The following ADCY10 variants were observed in gnomAD, a reference collection of about 807,000 sequenced individuals.
The protein encoded by ADCY10 is adenylate cyclase type 10.
ADCY10 carries 156 observed loss-of-function variants against 183.3 expected under a neutral mutation model. The ratio of observed to expected loss-of-function variants is 0.85; its 90% CI spans 0.75 to 0.97. The LOEUF is 0.97. Among genes scored for constraint, ADCY10 ranks in the 50% least tolerant of loss-of-function variants. ADCY10 has a pLI of 0.00. For synonymous variants in ADCY10, 645 were observed against 670.0 expected (o/e 0.96, Z 0.58); for missense variants, 1,745 against 1,934.3 (o/e 0.90, Z 1.84).
At chr1:167,894,309 G>A (rs925510369) in intron 7 of ADCY10, among the ~76,000 whole-genome samples, 1 of 152,160 alleles carries the variant, frequency 6.6e-6, no homozygotes, top group African/African-American at 2.4e-5. Flanking sequence ...GAAGGGGATG[G>A]TAGAGTTGAA....
chr1:167,885,580 G>A (rs761305955), intron 8 of ADCY10, among the ~76,000 whole-genome samples: 6 of 151,796 alleles, frequency 4.0e-5, no homozygotes, highest in Admixed American at 6.6e-5. Flanking sequence ...TCACATACTT[G>A]TTTGCCATTT....
chr1:167,856,608 A>G (rs569589701), intron 16 of ADCY10, among the ~76,000 whole-genome samples, 169 bp from the exon 17 acceptor site: 64 of 152,304 alleles, frequency 4.2e-4, no homozygotes, highest in African/African-American at 1.3e-3. Flanking sequence ...TTTATATTCC[A>G]TTAACTTAGA....
intron 32 of ADCY10, among the ~76,000 whole-genome samples, chr1:167,810,397 T>G (rs930695338): frequency 3.9e-5 from 6 of 152,152 alleles, no homozygotes; most frequent in Non-Finnish European, 7.4e-5. Context: ...AGTTGGGCCT[T>G]TGGAAGGTAA....
At chr1:167,875,242 G>A (rs1044645620) in intron 12 of ADCY10, 56 bp from the exon 13 acceptor site, 2 of 1,540,948 alleles carry the variant, frequency 1.3e-6, no homozygotes, top group South Asian at 1.1e-5. Flanking sequence ...CATATTGAGA[G>A]CAAGAGTGAT....
At chr1:167,904,041 A>G in intron 2 of ADCY10, 50 bp from the exon 3 acceptor site, 2 of 1,220,662 alleles carry the variant, frequency 1.6e-6, no homozygotes. Context: ...GGAATCAAAC[A>G]GAGCCAGAAG....
At chr1:167,869,987 G>C (rs946677076) in intron 14 of ADCY10, among the ~76,000 whole-genome samples, 15 of 152,072 alleles carry the variant, frequency 9.9e-5, no homozygotes, top group African/African-American at 2.7e-4. Context: ...AATTGTTCTC[G>C]ATCTGTCTGA....
At chr1:167,822,925 AG>A in intron 29 of ADCY10, 82 bp downstream of exon 29, 1 of 1,236,300 alleles carries the variant, frequency 8.1e-7, no homozygotes, top group South Asian at 1.2e-5. Flanking sequence ...GTGGTCCCAA[AG>A]CCCCAACCTG....
chr1:167,894,580 G>A (rs1287563726), intron 7 of ADCY10, among the ~76,000 whole-genome samples: 1 of 152,092 alleles, frequency 6.6e-6, no homozygotes. Flanking sequence ...AAATGGCAAA[G>A]GGTTTTCAGC....
At chr1:167,829,463 T>G in intron 25 of ADCY10, 40 bp from the exon 26 acceptor site, 6 of 1,612,756 alleles carry the variant, frequency 3.7e-6, no homozygotes, top group Non-Finnish European at 5.1e-6. Context: ...ATGAAAGGTA[T>G]CATCATTACC....
chr1:167,819,874 A>G, intron 30 of ADCY10: 1 of 827,556 alleles, frequency 1.2e-6, no homozygotes, highest in South Asian at 1.4e-5. Flanking sequence ...ATGATTTTCT[A>G]ATAGCCAAAT....
intron 14 of ADCY10, among the ~76,000 whole-genome samples, chr1:167,866,581 T>C (rs2213774): frequency 0.17 from 25,140 of 149,438 alleles, 2,494 homozygotes; most frequent in Middle Eastern, 0.24. Flanking sequence ...TAAGTTAATT[T>C]AGACTAAACA....
chr1:167,811,388 A>G (rs1336731310), intron 31 of ADCY10, among the ~76,000 whole-genome samples: 1 of 152,128 alleles, frequency 6.6e-6, no homozygotes, highest in African/African-American at 2.4e-5. Flanking sequence ...AGAGATCAAG[A>G]CCATCCTGGC....
At chr1:167,884,692 TA>T (rs1164836705) in intron 8 of ADCY10, among the ~76,000 whole-genome samples, 14 of 142,720 alleles carry the variant, frequency 9.8e-5, no homozygotes, top group African/African-American at 3.7e-4. Context: ...TCAATCATTT[TA>T]ATTTTTTTTT....
chr1:167,820,638 A>C (rs980935440), intron 30 of ADCY10: 25 of 163,008 alleles, frequency 1.5e-4, no homozygotes, highest in Non-Finnish European at 1.7e-4. Flanking sequence ...ATTAATTTTA[A>C]TAATAAGAGG....
At chr1:167,894,864 A>C (rs1219219501) in intron 7 of ADCY10, among the ~76,000 whole-genome samples, 3 of 152,162 alleles carry the variant, frequency 2.0e-5, no homozygotes, top group African/African-American at 7.2e-5. Context: ...GAAATCCTGC[A>C]CTAACTCCAG....
At chr1:167,832,683 G>A (rs540043984) in intron 25 of ADCY10, among the ~76,000 whole-genome samples, 20 of 152,264 alleles carry the variant, frequency 1.3e-4, no homozygotes, top group Non-Finnish European at 2.6e-4. Flanking sequence ...ATGAGAACAC[G>A]GATGGCCATG....
At chr1:167,877,000 G>A (rs73022160) in intron 12 of ADCY10, among the ~76,000 whole-genome samples, 64 of 152,164 alleles carry the variant, frequency 4.2e-4, no homozygotes, top group African/African-American at 1.4e-3. Flanking sequence ...CCCCAGGCAC[G>A]TGAATAAGCC....
chr1:167,851,099 T>G (rs149612953), intron 18 of ADCY10, among the ~76,000 whole-genome samples: 5,750 of 152,270 alleles, frequency 0.038, 150 homozygotes, highest in Non-Finnish European at 0.05. Context: ...TCTGAAGCAT[T>G]TGAATATAAG....
At position 167,817,741 on chromosome 1, in the gene ADCY10, T is replaced by C. The variant is rs181124193; in HGVS notation, c.4482+331A>G. ...CATATATCTGTAAGATAAAGTACCA[T>C]GCTTCCTTTTAAATCGTGATGTGAA... On this transcript the variant is annotated intron_variant, in intron 31 of 32. Coordinates refer to ENST00000367851, the MANE Select transcript of ADCY10 (RefSeq NM_018417.6). Among the ~76,000 whole-genome samples the C allele has an allele frequency of 2.6e-5, 4 of 152,340 alleles. No homozygotes were observed. The East Asian group carries it at 7.7e-4, about 29-fold the overall frequency.
Sources: allele counts gnomAD v4.1 joint callset (sites outside exome capture counted in the v4.1 genomes callset), GRCh38; gene constraint gnomAD v4.1.1; transcripts MANE v1.5; gene names NCBI Gene and HGNC (gene_info 2026-07-23, HGNC 2026-07-21).